MYCBP2: variants seen among roughly 807,000 people sequenced by gnomAD.
The protein encoded by MYCBP2 is E3 ubiquitin-protein ligase MYCBP2.
In MYCBP2, 120 loss-of-function variants were observed where a neutral mutation model predicts 525.3. The ratio of observed to expected loss-of-function variants is 0.23; its 90% CI spans 0.20 to 0.27. MYCBP2 has a LOEUF of 0.27. MYCBP2 is among the 10% of genes least tolerant of loss of function. The probability of loss-of-function intolerance (pLI) is 1.00; values close to 1 mark genes in which losing one functional copy is unlikely to be tolerated. For missense variants in MYCBP2, 4,149 were observed against 5,657.1 expected (o/e 0.73, Z 8.55); for synonymous variants, 1,894 against 1,955.8 (o/e 0.97, Z 0.83).
chr13:77,228,757 C>G (rs2066706385), intron 18 of MYCBP2, among the ~76,000 whole-genome samples: 1 of 150,002 alleles, frequency 6.7e-6, no homozygotes, highest in Non-Finnish European at 1.5e-5. Context: ...ACTACAGTAG[C>G]TACAAAGCCT....
chr13:77,169,932 A>G (rs1365754997), intron 38 of MYCBP2, among the ~76,000 whole-genome samples: 3 of 152,186 alleles, frequency 2.0e-5, no homozygotes, highest in African/African-American at 7.2e-5. Flanking sequence ...ATTATCCCCA[A>G]TTTTCAGAAA....
At chr13:77,079,347 C>T (rs1433525474) in intron 65 of MYCBP2, among the ~76,000 whole-genome samples, 2 of 152,152 alleles carry the variant, frequency 1.3e-5, no homozygotes, top group African/African-American at 4.8e-5. Context: ...AGAGGAGGTT[C>T]TATCCCCCAA....
In MYCBP2 at chr13:77,243,081, C is replaced by T. The variant is rs2069166011; in HGVS notation, c.2607G>A (p.Arg869=). 14 of 1,614,024 alleles carry T rather than the reference C, an allele frequency of 8.7e-6. No homozygotes were observed. Among genetic ancestry groups the T allele is most frequent in the Admixed American group, 1.7e-5 (1 of 60,010 alleles). ...TACCTCTTCCTTCCTCTAATCTGTG[C>T]CTTCTGATTACACGTTGCCGTTTTT... ...QEEKRQRVIR[R]HRLEEGRGPL... The change falls in exon 17 of 83, where the codon AGG becomes AGA. Residue 869 remains arginine, a synonymous_variant. Transcript: ENST00000544440.
At chr13:77,180,828 G>A (rs1034182102) in intron 33 of MYCBP2, among the ~76,000 whole-genome samples, 3 of 152,210 alleles carry the variant, frequency 2.0e-5, no homozygotes, top group Admixed American at 6.5e-5. Context: ...GCTGAGGTGG[G>A]AAGATCGTTT....
intron 13 of MYCBP2, 119 bp from the exon 14 acceptor site, chr13:77,257,948 A>C: frequency 1.3e-6 from 1 of 754,364 alleles, no homozygotes. Context: ...CAAAATGAGA[A>C]ATAAGTAGCC....
rs1455089041 is a variant in MYCBP2, at chr13:77,326,750, G to T, written c.26C>A (p.Ser9Tyr). The change falls in exon 1 of 83, where the codon TCC becomes TAC. Residue 9 changes from serine (S) to tyrosine (Y), a missense_variant. Physicochemically the swap from Ser to Tyr is moderately radical, Grantham distance 144. Coordinates refer to ENST00000544440, the MANE Select transcript of MYCBP2 (RefSeq NM_015057.5). The surrounding 1 kb of genome is among the most constrained non-coding windows in gnomAD (Gnocchi z 4.2). ...GAGCCCCGAGGAGGCGGCGGCGGGG[G>T]AGGCAGTCGCTGCGCACATCATCAT... Reference protein sequence around the residue: MMMCAATASPAAASSGLGG... With the variant: MMMCAATAYPAAASSGLGG... 3 of 1,413,906 alleles carry T rather than the reference G, an allele frequency of 2.1e-6. No homozygotes were observed. Among genetic ancestry groups the T allele is most frequent in the Admixed American group, 3.9e-5 (1 of 25,942 alleles). 87.6% of individuals were successfully genotyped at this position (1,413,906 alleles called of 1,614,324 possible). A position where few individuals can be genotyped will look rare whatever the true frequency, so the allele number is the denominator to read the frequency against.
intron 2 of MYCBP2, among the ~76,000 whole-genome samples, chr13:77,294,132 A>ATATATATATATATATACATG: frequency 6.9e-5 from 1 of 14,458 alleles, no homozygotes; most frequent in African/African-American, 1.4e-4. Flanking sequence ...ATATATATAC[A>ATATATATATATATATACATG]TATATATATA....
intron 44 of MYCBP2, among the ~76,000 whole-genome samples, chr13:77,158,639 G>T (rs190917569): frequency 6.6e-6 from 1 of 152,194 alleles, no homozygotes; most frequent in African/African-American, 2.4e-5. Flanking sequence ...GTAGAGATGG[G>T]GTCTTGCTAT....
At chr13:77,252,125 TTACAA>T (rs1434931227) in intron 14 of MYCBP2, among the ~76,000 whole-genome samples, 18 of 152,168 alleles carry the variant, frequency 1.2e-4, no homozygotes, top group African/African-American at 2.4e-4. Flanking sequence ...TAAAATGGTG[TTACAA>T]TACAATTCAT....
At chr13:77,255,446 G>C (rs2072007661) in intron 14 of MYCBP2, among the ~76,000 whole-genome samples, 1 of 151,818 alleles carries the variant, frequency 6.6e-6, no homozygotes, top group Non-Finnish European at 1.5e-5. Flanking sequence ...AGGTGTAAAT[G>C]TACGCTCAAT....
intron 7 of MYCBP2, 70 bp from the exon 8 acceptor site, chr13:77,268,007 C>T: frequency 2.2e-6 from 2 of 900,296 alleles, no homozygotes; most frequent in East Asian, 2.5e-5. Context: ...AGCCATACAG[C>T]TCCATATTAC....
intron 82 of MYCBP2, among the ~76,000 whole-genome samples, chr13:77,048,099 A>G (rs1366984172): frequency 2.6e-5 from 4 of 152,130 alleles, no homozygotes; most frequent in Admixed American, 1.3e-4. Context: ...TGAGACTACA[A>G]CATTAACACC....
At chr13:77,113,100 T>C (rs1256909107) in intron 55 of MYCBP2, among the ~76,000 whole-genome samples, 1 of 152,196 alleles carries the variant, frequency 6.6e-6, no homozygotes, top group African/African-American at 2.4e-5. Context: ...TAAAATACTT[T>C]GTGATTCATT....
intron 3 of MYCBP2, among the ~76,000 whole-genome samples, chr13:77,287,602 T>C (rs2077017246): frequency 6.6e-6 from 1 of 152,090 alleles, no homozygotes; most frequent in Non-Finnish European, 1.5e-5. Context: ...TTTTTTTTTT[T>C]CCTAATCAAG....
At chr13:77,129,513 G>C (rs1292371863) in intron 52 of MYCBP2, 2 of 234,492 alleles carry the variant, frequency 8.5e-6, no homozygotes, top group Non-Finnish European at 1.6e-5. Flanking sequence ...GATACTCAAT[G>C]CAAGAAAGAA....
intron 18 of MYCBP2, among the ~76,000 whole-genome samples, chr13:77,229,298 A>C (rs1216090095): frequency 6.6e-6 from 1 of 152,238 alleles, no homozygotes; most frequent in Non-Finnish European, 1.5e-5. Flanking sequence ...TCTTTAATGA[A>C]TAAAGCAATC....
At chr13:77,158,788 T>G (rs2057522615) in intron 44 of MYCBP2, among the ~76,000 whole-genome samples, 1 of 152,062 alleles carries the variant, frequency 6.6e-6, no homozygotes, top group Non-Finnish European at 1.5e-5. Context: ...CTATCATGAG[T>G]AAGGTGTGTC....
chr13:77,066,568 C>T (rs1305233525), intron 71 of MYCBP2, among the ~76,000 whole-genome samples: 1 of 152,206 alleles, frequency 6.6e-6, no homozygotes, highest in Non-Finnish European at 1.5e-5. Context: ...TAATTCTCTA[C>T]TGTTACACAC....
At chr13:77,125,305 T>A in intron 54 of MYCBP2, 31 bp downstream of exon 54, 4 of 1,612,510 alleles carry the variant, frequency 2.5e-6, no homozygotes, top group Admixed American at 1.7e-5. Flanking sequence ...AAAGCTTAAT[T>A]GGAATAAATC....
Sources: gnomAD v4.1 joint callset for allele counts (sites outside exome capture counted in the v4.1 genomes callset) on GRCh38, gnomAD v4.1.1 for gene constraint, Gnocchi (gnomAD v3.1) non-coding constraint, MANE v1.5 for transcripts, NCBI Gene and HGNC (gene_info 2026-07-23, HGNC 2026-07-21) for gene names.